The following DOK6 variants were observed in gnomAD, a reference collection of about 807,000 sequenced individuals.
DOK6 encodes the protein downstream of tyrosine kinase 6.
Under a neutral mutation model 44.0 loss-of-function variants are expected in DOK6, and 22 were observed. That is an observed-to-expected ratio of 0.50 (90% CI 0.36 to 0.71). DOK6 has a LOEUF of 0.71. Ranked by LOEUF, DOK6 falls within the 30% of genes least tolerant of loss-of-function variation. The pLI, the probability that DOK6 is intolerant of heterozygous loss-of-function variation, is 0.00. For synonymous variants in DOK6, 166 were observed against 145.5 expected, an observed-to-expected ratio of 1.14 and a Z score of -1.01; for missense variants, 340 against 416.4, an observed-to-expected ratio of 0.82 and a Z score of 1.60.
At chr18:69,484,652 GA>G (rs1364416051) in intron 1 of DOK6, among the ~76,000 whole-genome samples, 24 of 152,008 alleles carry the variant, frequency 1.6e-4, no homozygotes, top group Admixed American at 1.4e-3. Context: ...TGTTTCTATT[GA>G]AAAACATCTT....
intron 2 of DOK6, among the ~76,000 whole-genome samples, chr18:69,583,301 G>C (rs1351375018): frequency 2.6e-5 from 4 of 152,202 alleles, no homozygotes; most frequent in African/African-American, 9.6e-5. Flanking sequence ...TAATGAGTTT[G>C]AGATATTCTT....
intron 1 of DOK6, among the ~76,000 whole-genome samples, chr18:69,471,440 G>C (rs1039961907): frequency 1.3e-5 from 2 of 151,798 alleles, no homozygotes; most frequent in African/African-American, 4.8e-5. Context: ...TGAACAGTAT[G>C]TTTGGAAAGG....
chr18:69,428,909 T>C (rs1978718930), intron 1 of DOK6, among the ~76,000 whole-genome samples: 1 of 152,358 alleles, frequency 6.6e-6, no homozygotes, highest in African/African-American at 2.4e-5. Context: ...TGTTTATTAG[T>C]GTTTCCTTAT....
At chr18:69,749,996 A>G (rs1416100580) in intron 6 of DOK6, among the ~76,000 whole-genome samples, 1 of 149,552 alleles carries the variant, frequency 6.7e-6, no homozygotes, top group Non-Finnish European at 1.5e-5. Flanking sequence ...AAAGGGATAT[A>G]AAAGTGTAGA....
At chr18:69,716,797 T>A (rs73970237) in intron 5 of DOK6, among the ~76,000 whole-genome samples, 570 of 152,252 alleles carry the variant, frequency 3.7e-3, no homozygotes, top group African/African-American at 0.013. Context: ...ATTCTGCTCC[T>A]TTTCCTAGGA....
intron 3 of DOK6, among the ~76,000 whole-genome samples, chr18:69,648,608 C>A (rs552153850): frequency 6.6e-6 from 1 of 152,084 alleles, no homozygotes; most frequent in Admixed American, 6.6e-5. Flanking sequence ...GAGGACATGG[C>A]GATGTGAAAC....
At chr18:69,714,584 G>A (rs1269051519) in intron 5 of DOK6, among the ~76,000 whole-genome samples, 2 of 152,078 alleles carry the variant, frequency 1.3e-5, no homozygotes, top group Non-Finnish European at 2.9e-5. Context: ...CTCTGTTAAT[G>A]TTCTTTTATA....
intron 1 of DOK6, among the ~76,000 whole-genome samples, chr18:69,427,043 T>C (rs1322004582): frequency 6.6e-6 from 1 of 152,128 alleles, no homozygotes; most frequent in Non-Finnish European, 1.5e-5. Context: ...TCCCTCTATG[T>C]GTCCATGTGT....
chr18:69,656,304 A>T (rs1353153569), intron 3 of DOK6, among the ~76,000 whole-genome samples: 3 of 152,246 alleles, frequency 2.0e-5, no homozygotes, highest in Admixed American at 6.5e-5. Context: ...ATTAACCTAG[A>T]TCTTTACAGA....
chr18:69,803,716 G>T (rs901017214), intron 7 of DOK6, among the ~76,000 whole-genome samples: 1 of 152,198 alleles, frequency 6.6e-6, no homozygotes, highest in East Asian at 1.9e-4. Flanking sequence ...CAAAAAAGCC[G>T]AGTGTGGTGG....
rs117894100 is a variant in DOK6, at chr18:69,719,788, A to G, written c.600-19177A>G. ...TTATCTTATGAGGTTAGAAGCAAAT[A>G]TGGTGTCAGCTATGTTAGATTTTTC... On this transcript the variant is annotated intron_variant, in intron 5 of 7. Transcript: ENST00000382713. Among the ~76,000 whole-genome samples the G allele has an allele frequency of 2.2e-4, 33 of 152,346 alleles. No individual in the cohort carries two copies. The East Asian group carries it at 6.4e-3, about 29-fold the overall frequency.
intron 7 of DOK6, among the ~76,000 whole-genome samples, chr18:69,828,506 G>A (rs974083474): frequency 7.3e-5 from 11 of 151,696 alleles, no homozygotes; most frequent in Non-Finnish European, 1.5e-4. Flanking sequence ...GCAAGCAACA[G>A]AAACAAATGA....
chr18:69,710,437 C>T (rs1332028765), intron 5 of DOK6, among the ~76,000 whole-genome samples: 3 of 152,198 alleles, frequency 2.0e-5, no homozygotes, highest in African/African-American at 7.2e-5. Context: ...TAAAACCAAT[C>T]CAAACCTCAC....
At chr18:69,661,085 G>T (rs28378636) in intron 3 of DOK6, 43,857 of 152,002 alleles carry the variant, frequency 0.29, 7,217 homozygotes, top group East Asian at 0.68. Flanking sequence ...TCCTGTTTTT[G>T]TTCATTCAGG....
chr18:69,584,725 C>A (rs1983459635), intron 2 of DOK6, among the ~76,000 whole-genome samples: 1 of 151,872 alleles, frequency 6.6e-6, no homozygotes, highest in African/African-American at 2.4e-5. Context: ...AATTATGAAA[C>A]CATCTGGAAA....
At chr18:69,418,525 G>A (rs1305020238) in intron 1 of DOK6, among the ~76,000 whole-genome samples, 1 of 152,056 alleles carries the variant, frequency 6.6e-6, no homozygotes, top group Non-Finnish European at 1.5e-5. Context: ...CAGTGAGTGG[G>A]ATCATGGTTT....
At chr18:69,552,797 T>C (rs1294198179) in intron 1 of DOK6, among the ~76,000 whole-genome samples, 1 of 152,266 alleles carries the variant, frequency 6.6e-6, no homozygotes, top group Admixed American at 6.5e-5. Flanking sequence ...ACCTGGCAAA[T>C]AGCAAATATT....
intron 4 of DOK6, among the ~76,000 whole-genome samples, chr18:69,694,142 G>T (rs540262154): frequency 6.7e-6 from 1 of 149,016 alleles, no homozygotes; most frequent in Admixed American, 6.7e-5. Context: ...AGTTCTTCTC[G>T]GCACTGATGA....
rs75068756 is a variant in DOK6 at position 69,834,988 on chromosome 18, C to A, written c.857-6256C>A. Among the ~76,000 whole-genome samples the A allele has an allele frequency of 2.6e-3, 394 of 152,266 alleles. 3 individuals are homozygous for A. The highest frequency in any genetic ancestry group is 8.9e-3 in the African/African-American group (370 of 41,544). ...AAGAGAGCAAATGATCAAAACAGGA[C>A]CTTGCCAAACACTTATAAAACCATT... On this transcript the variant is annotated intron_variant, in intron 7 of 7. Transcript: ENST00000382713.
Sources: gnomAD v4.1 joint callset for allele counts (sites outside exome capture counted in the v4.1 genomes callset) on GRCh38, gnomAD v4.1.1 for gene constraint, MANE v1.5 for transcripts, NCBI Gene and HGNC (gene_info 2026-07-23, HGNC 2026-07-21) for gene names.